The following ABI3BP variants were observed in gnomAD, a reference collection of about 807,000 sequenced individuals.
ABI3BP encodes the protein ABI family member 3 binding protein.
A neutral mutation model predicts 268.6 loss-of-function variants in ABI3BP; 216 were observed. The observed-to-expected ratio is 0.80, with a 90% confidence interval of 0.72 to 0.90. ABI3BP has a LOEUF of 0.90. Ranked by LOEUF, ABI3BP falls within the 40% of genes least tolerant of loss-of-function variation. ABI3BP has a pLI of 0.00. For missense variants in ABI3BP, 2,090 were observed against 2,182.4 expected, an observed-to-expected ratio of 0.96 and a Z score of 0.84; for synonymous variants, 730 against 730.0, an observed-to-expected ratio of 1.00 and a Z score of 0.00.
chr3:100,853,885 C>G (rs2098900928), intron 14 of ABI3BP, among the ~76,000 whole-genome samples: 3 of 152,084 alleles, frequency 2.0e-5, no homozygotes. Context: ...AAGACATTTG[C>G]CAGCATACTT....
chr3:100,919,234 A>AT (rs1208061472), intron 2 of ABI3BP, among the ~76,000 whole-genome samples: 1 of 151,518 alleles, frequency 6.6e-6, no homozygotes, highest in East Asian at 1.9e-4. Context: ...TTCAACCCCT[A>AT]TTTCTGTTTT....
intron 14 of ABI3BP, among the ~76,000 whole-genome samples, chr3:100,857,975 T>G (rs2055548): frequency 0.31 from 46,454 of 152,158 alleles, 7,635 homozygotes; most frequent in African/African-American, 0.42. Context: ...TGGAAGACAC[T>G]GAGAACTTTT....
Position 100,926,366 on chromosome 3 carries a change from G to T in ABI3BP, c.195C>A (p.Ser65Arg), listed in dbSNP as rs1214176628. 6.2e-7 allele frequency: 1 copy of T among 1,613,514 alleles called. No individual in the cohort carries two copies. The highest frequency in any genetic ancestry group is 8.5e-7 in the Non-Finnish European group (1 of 1,179,640). ...GGAAGTACTGGTTTGGTGATACATT[G>T]CTGCCATATCCCAGGAGAAGACCTT... ...KLEGLLLGYG[S>R]NVSPNQYFPL... is the part of the protein sequence containing the mutation. Residue 65 changes from serine (S) to arginine (R), a missense_variant, in exon 2 of 68, where the codon AGC becomes AGA. Ser to Arg is a moderately radical substitution (Grantham distance 110, BLOSUM62 -1). Coordinates refer to ENST00000471714, the MANE Select transcript of ABI3BP (RefSeq NM_001375547.2).
At chr3:100,751,783 C>T (rs1309090881) in intron 66 of ABI3BP, 109 bp from the exon 67 acceptor site, 1 of 1,126,928 alleles carries the variant, frequency 8.9e-7, no homozygotes, top group Non-Finnish European at 1.2e-6. Context: ...TTCTCTATTA[C>T]CCTAGTTCAA....
At chr3:100,884,738 G>GACCAAAGACAGC (rs6147977) in intron 6 of ABI3BP, among the ~76,000 whole-genome samples, 107,282 of 151,074 alleles carry the variant, frequency 0.71, 39,340 homozygotes, top group Non-Finnish European at 0.8. Context: ...AATATCTAGG[G>GACCAAAGACAGC]ACCAAATTCC....
intron 6 of ABI3BP, among the ~76,000 whole-genome samples, chr3:100,876,770 A>C (rs2099164915): frequency 6.6e-6 from 1 of 151,898 alleles, no homozygotes; most frequent in Admixed American, 6.6e-5. Context: ...ACCTGAGGTC[A>C]GGAGTTCGAG....
At chr3:100,961,059 T>A (rs895934637) in intron 1 of ABI3BP, among the ~76,000 whole-genome samples, 2 of 152,222 alleles carry the variant, frequency 1.3e-5, no homozygotes, top group African/African-American at 2.4e-5. Context: ...ATGGCTGCAA[T>A]AGAAAACTAA....
intron 1 of ABI3BP, among the ~76,000 whole-genome samples, chr3:100,946,411 A>G (rs2072336371): frequency 6.6e-6 from 1 of 151,972 alleles, no homozygotes; most frequent in African/African-American, 2.4e-5. Flanking sequence ...TTTTGTTATA[A>G]TAATTATTGT....
chr3:100,928,904 G>T (rs2062725381), intron 1 of ABI3BP, among the ~76,000 whole-genome samples: 1 of 152,064 alleles, frequency 6.6e-6, no homozygotes, highest in Non-Finnish European at 1.5e-5. Context: ...GGTGCCAACT[G>T]CTAGTGTTTT....
At position 100,775,395 on chromosome 3, in the gene ABI3BP, C is replaced by T. The variant is rs951290070; in HGVS notation, c.4334-60G>A. ...GGAACACTGCCAAGTTTCCTATAAA[C>T]ATTTATTTATTCCATAAATGTTTTT... On this transcript the variant is annotated intron_variant, in intron 59 of 67. Transcript: ENST00000471714. The T allele has an allele frequency of 5.8e-6, 9 of 1,547,316 alleles. No homozygotes were observed. In the East Asian group the frequency reaches 9.7e-5, roughly 17 times the overall value.
intron 63 of ABI3BP, among the ~76,000 whole-genome samples, chr3:100,762,442 AT>A (rs2149574561): frequency 6.6e-6 from 1 of 152,186 alleles, no homozygotes; most frequent in Non-Finnish European, 1.5e-5. Flanking sequence ...CTTCCATCCT[AT>A]TCTTTATCAA....
intron 38 of ABI3BP, among the ~76,000 whole-genome samples, chr3:100,822,322 GTTTTAT>G (rs1299931762): frequency 6.6e-6 from 1 of 152,178 alleles, no homozygotes. Flanking sequence ...TTCTAAAGAA[GTTTTAT>G]TTTTAAGAGA....
rs1177031773 is a variant in ABI3BP, at chr3:100,927,335, C to G, written c.80-854G>C. 4.6e-5 allele frequency among the ~76,000 whole-genome samples: 7 copies of G among 152,310 alleles called. No homozygotes were observed. The East Asian group carries it at 9.6e-4, about 21-fold the overall frequency. ...CAGAAGGAACCAGGTTCAAACCCCA[C>G]TTCTGTGACTCTGGCATCCCACTGA... On this transcript the variant is annotated intron_variant, in intron 1 of 67. Transcript: ENST00000471714.
At chr3:100,874,752 C>A in intron 9 of ABI3BP, 89 bp downstream of exon 9, 1 of 753,276 alleles carries the variant, frequency 1.3e-6, no homozygotes, top group Non-Finnish European at 2.1e-6. Context: ...CCTCAAACAG[C>A]TCATTAGCAA....
intron 6 of ABI3BP, among the ~76,000 whole-genome samples, chr3:100,883,040 T>C (rs2040192924): frequency 6.6e-6 from 1 of 152,058 alleles, no homozygotes; most frequent in Non-Finnish European, 1.5e-5. Flanking sequence ...GAGACAAAGA[T>C]GAAGGGAACT....
At chr3:100,963,817 C>T (rs2080138049) in intron 1 of ABI3BP, among the ~76,000 whole-genome samples, 1 of 152,128 alleles carries the variant, frequency 6.6e-6, no homozygotes, top group African/African-American at 2.4e-5. Context: ...GATTTCACTC[C>T]CATGAAGCCA....
At chr3:100,802,388 CAG>C (rs1280260462) in intron 51 of ABI3BP, among the ~76,000 whole-genome samples, 2 of 152,122 alleles carry the variant, frequency 1.3e-5, no homozygotes, top group Non-Finnish European at 1.5e-5. Context: ...ATAAGGAAGA[CAG>C]AACTCTGTTA....
rs1343799617 is a variant in ABI3BP at position 100,886,281 on chromosome 3, C to T, written c.504G>A (p.Lys168=). ...IRYREKDKEK[K]WIFQICPATE... is the part of the protein sequence containing the mutation. ...TGGCTGGACAGATTTGAAAAATCCACTTCTTTTCTTTATCCTTTTCTCGAT... is the reference window on the plus strand; with the variant it reads ...TGGCTGGACAGATTTGAAAAATCCATTTCTTTTCTTTATCCTTTTCTCGAT... Residue 168 remains lysine (K), a synonymous_variant, in exon 5 of 68, where the codon AAG becomes AAA. Transcript: ENST00000471714. The T allele has an allele frequency of 6.2e-7, 1 of 1,608,248 alleles. No individual in the cohort carries two copies. Among genetic ancestry groups the T allele is most frequent in the Non-Finnish European group, 8.5e-7 (1 of 1,176,930 alleles).
intron 11 of ABI3BP, 163 bp downstream of exon 11, chr3:100,864,670 T>C: frequency 1.7e-6 from 1 of 591,210 alleles, no homozygotes; most frequent in Non-Finnish European, 3.0e-6. Flanking sequence ...CAGTGGAATC[T>C]GTCCAAGAAA....
Sources: allele counts gnomAD v4.1 joint callset (sites outside exome capture counted in the v4.1 genomes callset), GRCh38; gene constraint gnomAD v4.1.1; transcripts MANE v1.5; gene names NCBI Gene and HGNC (gene_info 2026-07-23, HGNC 2026-07-21).